Variants in DNAH8 observed in about 807,000 individuals in gnomAD.
DNAH8 encodes axonemal beta dynein heavy chain 8.
Under a neutral mutation model 562.1 loss-of-function variants are expected in DNAH8, and 382 were observed. The ratio of observed to expected loss-of-function variants is 0.68; its 90% CI spans 0.63 to 0.74. The LOEUF (loss-of-function observed/expected upper bound fraction) is 0.74. Among genes scored for constraint, DNAH8 ranks in the 30% least tolerant of loss-of-function variants. The pLI, the probability that DNAH8 is intolerant of heterozygous loss-of-function variation, is 0.00. For missense variants in DNAH8, 5,203 were observed against 5,620.4 expected, an observed-to-expected ratio of 0.93 and a Z score of 2.37; for synonymous variants, 1,881 against 1,919.4, an observed-to-expected ratio of 0.98 and a Z score of 0.52.
intron 24 of DNAH8, among the ~76,000 whole-genome samples, chr6:38,813,344 G>A (rs1455267811): frequency 2.0e-5 from 3 of 152,130 alleles, no homozygotes; most frequent in Non-Finnish European, 4.4e-5. Context: ...GGCCCTGAGT[G>A]CTAAAAGTTG....
intron 60 of DNAH8, among the ~76,000 whole-genome samples, chr6:38,896,600 A>G (rs1779707439): frequency 6.6e-6 from 1 of 151,622 alleles, no homozygotes; most frequent in Non-Finnish European, 1.5e-5. Flanking sequence ...CAAACAAACA[A>G]ACAAACAAAA....
chr6:38,872,899 T>A lies in DNAH8; in HGVS notation c.7238-7T>A. The stretch of plus-strand genomic sequence containing the variant: ...GAAAAGTGATTTTCTGTTTTAATTA[T>A]TTTCAGGTGAAAACATTTTCCTCAT... On this transcript the variant is annotated splice_region_variant and splice_polypyrimidine_tract_variant and intron_variant, in intron 50 of 92. Transcript: ENST00000327475. The A allele has an allele frequency of 6.2e-7, 1 of 1,610,948 alleles. No homozygotes were observed. The highest frequency in any genetic ancestry group is 2.2e-5 in the East Asian group (1 of 44,820).
Position 38,924,163 on chromosome 6 carries a change from G to A in DNAH8, c.10962+1G>A. The A allele has an allele frequency of 6.2e-7, 1 of 1,612,238 alleles. No homozygotes were observed. The highest frequency in any genetic ancestry group is 1.3e-5 in the African/African-American group (1 of 74,898). On this transcript the variant is annotated splice_donor_variant, in intron 73 of 92. Coordinates refer to ENST00000327475, the MANE Select transcript of DNAH8 (RefSeq NM_001206927.2). LOFTEE classifies it high-confidence loss of function. ...TTCAATGTTGGTGGATCCTCCAACT[G>A]TAAGTTTTACTTTCCCAATGTTATT...
In DNAH8 at chr6:38,722,758, C is replaced by G; in HGVS notation, c.-34-18C>G. ...TCAATTTACTGTAGTTTTAAACGAA[C>G]CTATGTTATAATTCTAGGTTTCGAA... is the stretch of plus-strand genomic sequence containing the variant. On this transcript the variant is annotated intron_variant, in intron 1 of 92. Transcript: ENST00000327475. 1 of 1,505,010 alleles carries G rather than the reference C, an allele frequency of 6.6e-7. No individual in the cohort carries two copies. The highest frequency in any genetic ancestry group is 2.3e-5 in the East Asian group (1 of 43,718). 93.2% of individuals were successfully genotyped at this position (1,505,010 alleles called of 1,614,324 possible). A position where few individuals can be genotyped will look rare whatever the true frequency, so the allele number is the denominator to read the frequency against.
rs1583390523 is a variant in DNAH8, at chr6:38,931,856, C to T, written c.11320C>T (p.Leu3774Phe). ...KECDIMDTFK[L>F]YITTKLPNPA... The stretch of plus-strand genomic sequence containing the variant: ...ATGTGATATCATGGATACATTTAAA[C>T]TTTACATTACTACGAAGTTACCAAA... The change falls in exon 76 of 93, where the codon CTT becomes TTT. Residue 3774 changes from leucine to phenylalanine, a missense_variant. This residue lies in a region of DNAH8 where 1,399 missense variants were observed against 1,518.4 expected (regional missense o/e 0.92). Transcript: ENST00000327475. The T allele has an allele frequency of 6.2e-7, 1 of 1,607,942 alleles. No homozygotes were observed. The highest frequency in any genetic ancestry group is 2.2e-5 in the East Asian group (1 of 44,566).
Position 38,845,673 on chromosome 6 carries a change from A to T in DNAH8, c.4945A>T (p.Lys1649Ter). 2 of 1,613,980 alleles carry T rather than the reference A, an allele frequency of 1.2e-6. No individual in the cohort carries two copies. Among genetic ancestry groups the T allele is most frequent in the East Asian group, 4.5e-5 (2 of 44,858 alleles). Residue 1649 changes from lysine to a stop codon, truncating the protein, a stop_gained, in exon 36 of 93, where the codon AAG (lysine) becomes TAG (stop). Coordinates refer to ENST00000327475, the MANE Select transcript of DNAH8 (RefSeq NM_001206927.2). LOFTEE classifies it high-confidence loss of function. Reference protein sequence around the residue: ...TNQNLSFAAFKGKGELLLKGT... With the variant: ...TNQNLSFAAF ...CCAAAATCTGAGTTTTGCAGCATTT[A>T]AGGGAAAAGGAGAGCTCCTGCTCAA...
In DNAH8 at chr6:38,903,612, C is replaced by T. The variant is rs1461111323; in HGVS notation, c.9195-2642C>T. ...ATGTTTTCTTTTTCTTTCTTTCTTC[C>T]TTTTTTTTTTTTTTTTTTGAGAAGG... On this transcript the variant is annotated intron_variant, in intron 62 of 92. Transcript: ENST00000327475. Among the ~76,000 whole-genome samples, 460 of 129,466 alleles carry T rather than the reference C, an allele frequency of 3.6e-3. 20 individuals are homozygous for T. Among genetic ancestry groups the T allele is most frequent in the Non-Finnish European group, 4.7e-3 (293 of 62,084 alleles). 84.9% of individuals were successfully genotyped at this position (129,466 alleles called of 152,430 possible). A position where few individuals can be genotyped will look rare whatever the true frequency, so the allele number is the denominator to read the frequency against.
intron 8 of DNAH8, among the ~76,000 whole-genome samples, chr6:38,747,545 C>T (rs1031593864): frequency 5.3e-5 from 8 of 152,082 alleles, no homozygotes; most frequent in African/African-American, 1.7e-4. Flanking sequence ...TGCCACCATA[C>T]CCAGCTAATT....
chr6:39,023,780 G>C (rs1265613528), intron 91 of DNAH8, among the ~76,000 whole-genome samples: 1 of 152,204 alleles, frequency 6.6e-6, no homozygotes, highest in Non-Finnish European at 1.5e-5. Flanking sequence ...GACTTGAAAG[G>C]ACATGTATCT....
chr6:38,787,378 A>G (rs529531628), intron 18 of DNAH8, among the ~76,000 whole-genome samples: 8 of 152,160 alleles, frequency 5.3e-5, no homozygotes, highest in Non-Finnish European at 7.3e-5. Flanking sequence ...ATTAAAGTTC[A>G]CTAGTGCGGC....
chr6:38,985,193 A>G (rs529657141), intron 87 of DNAH8, among the ~76,000 whole-genome samples: 1 of 152,358 alleles, frequency 6.6e-6, no homozygotes, highest in African/African-American at 2.4e-5. Context: ...AAAATTGTTT[A>G]TTAGCAATTG....
At chr6:38,790,982 A>G (rs1769688061) in intron 20 of DNAH8, among the ~76,000 whole-genome samples, 1 of 152,272 alleles carries the variant, frequency 6.6e-6, no homozygotes, top group South Asian at 2.1e-4. Flanking sequence ...GTAATTATAG[A>G]CTGTCAAAAG....
intron 74 of DNAH8, chr6:38,927,925 T>C (rs936128503): frequency 2.0e-5 from 3 of 152,216 alleles, no homozygotes; most frequent in African/African-American, 7.2e-5. Flanking sequence ...GACTGAATTG[T>C]ATTCTCCTTA....
intron 88 of DNAH8, among the ~76,000 whole-genome samples, chr6:39,001,585 G>T (rs1389235387): frequency 6.6e-6 from 1 of 152,124 alleles, no homozygotes; most frequent in Non-Finnish European, 1.5e-5. Context: ...GTCATGGAAT[G>T]CTTGATGAGC....
intron 88 of DNAH8, among the ~76,000 whole-genome samples, chr6:38,995,871 A>G (rs1483100513): frequency 6.6e-6 from 1 of 152,214 alleles, no homozygotes; most frequent in East Asian, 1.9e-4. Context: ...AATATAATCT[A>G]TCGAGGCAGC....
Position 38,863,388 on chromosome 6 carries a change from C to A in DNAH8, c.6311-485C>A, listed in dbSNP as rs532182207. Among the ~76,000 whole-genome samples the A allele has an allele frequency of 7.1e-4, 108 of 152,182 alleles. 1 individual carries two copies. The highest frequency in any genetic ancestry group is 2.4e-3 in the African/African-American group (101 of 41,508). On this transcript the variant is annotated intron_variant, in intron 44 of 92. Transcript: ENST00000327475. Reference sequence around the variant, plus strand: ...GTTGCAGTGAGCCGAGATCTTGCCACTGCACTCCAGCCTGGGCTACAGAGC... The same window carrying A: ...GTTGCAGTGAGCCGAGATCTTGCCAATGCACTCCAGCCTGGGCTACAGAGC...
At chr6:38,766,192 T>A (rs1678639) in intron 11 of DNAH8, among the ~76,000 whole-genome samples, 14,463 of 151,130 alleles carry the variant, frequency 0.096, 1,284 homozygotes, top group East Asian at 0.44. Context: ...GGAATATTAT[T>A]CAGTCTTTAC....
chr6:38,957,145 A>G (rs1762299384), intron 82 of DNAH8, among the ~76,000 whole-genome samples: 3 of 152,148 alleles, frequency 2.0e-5, no homozygotes, highest in Non-Finnish European at 2.9e-5. Flanking sequence ...CTATGCTTAT[A>G]TCAGATAAAA....
At chr6:38,818,266 C>T (rs958598300) in intron 26 of DNAH8, among the ~76,000 whole-genome samples, 45 of 151,950 alleles carry the variant, frequency 3.0e-4, no homozygotes, top group Admixed American at 5.3e-4. Flanking sequence ...TGCCATTATT[C>T]TTTATTCTCT....
Sources: allele counts gnomAD v4.1 joint callset (sites outside exome capture counted in the v4.1 genomes callset), GRCh38; gene constraint gnomAD v4.1.1; regional missense constraint gnomAD v4.1.1; transcripts MANE v1.5; gene names NCBI Gene and HGNC (gene_info 2026-07-23, HGNC 2026-07-21).